TET3: variants seen among roughly 807,000 people sequenced by gnomAD.
The protein encoded by TET3 is methylcytosine dioxygenase TET3.
Under a neutral mutation model 141.4 loss-of-function variants are expected in TET3, and 19 were observed. The observed-to-expected ratio is 0.13, with a 90% CI of 0.09 to 0.20. The LOEUF is 0.20. Ranked by LOEUF, TET3 falls within the 10% of genes least tolerant of loss-of-function variation. The pLI, the probability that TET3 is intolerant of heterozygous loss-of-function variation, is 1.00. For synonymous variants in TET3, 1,043 were observed against 980.9 expected (o/e 1.06, Z -1.18); for missense variants, 1,874 against 2,356.9 (o/e 0.80, Z 4.24).
chr2:74,092,260 C>T (rs544935013), intron 8 of TET3, among the ~76,000 whole-genome samples: 16 of 152,086 alleles, frequency 1.1e-4, no homozygotes, highest in African/African-American at 3.6e-4. Flanking sequence ...AAGATAATGC[C>T]ACTGCACCCC....
intron 3 of TET3, among the ~76,000 whole-genome samples, chr2:74,014,600 T>G (rs1685635832): frequency 6.6e-6 from 1 of 152,148 alleles, no homozygotes; most frequent in Admixed American, 6.5e-5. Flanking sequence ...CAGTTTGAAT[T>G]TATTGCCTAG....
At chr2:74,025,210 C>T (rs1340123110) in intron 3 of TET3, among the ~76,000 whole-genome samples, 4 of 129,642 alleles carry the variant, frequency 3.1e-5, no homozygotes, top group East Asian at 2.2e-4. Flanking sequence ...GGTGACAAAG[C>T]GAGACTCCGC....
chr2:74,017,785 C>T (rs1381994284), intron 3 of TET3, among the ~76,000 whole-genome samples: 4 of 152,002 alleles, frequency 2.6e-5, no homozygotes, highest in Non-Finnish European at 5.9e-5. Context: ...TACGGTAGTT[C>T]TAGTTTTAGT....
intron 2 of TET3, among the ~76,000 whole-genome samples, chr2:73,996,093 A>G (rs1395197450): frequency 6.6e-6 from 1 of 152,022 alleles, no homozygotes; most frequent in African/African-American, 2.4e-5. Context: ...TCCAGCTCCA[A>G]CCTTATCTCC....
In TET3 at chr2:74,046,427, TG is replaced by T; in HGVS notation, c.515del (p.Gly172ValfsTer5). ...EPAGPSLLGT[G>X]GPWRVDQKPD... ...CCGCTGGACCCAGTCTGCTGGGGACTGGGGGTCCTTGGCGGGTAGACCAAAA... is the reference window on the plus strand; with the variant it reads ...CCGCTGGACCCAGTCTGCTGGGGACTGGGGTCCTTGGCGGGTAGACCAAAA... On this transcript the variant is annotated frameshift_variant, in exon 4 of 12. Transcript: ENST00000409262. LOFTEE classifies it high-confidence loss of function. This position sits in a 1 kb window ranked among gnomAD's most constrained non-coding sequence, Gnocchi z 4.3. 6.3e-7 allele frequency: 1 copy of T among 1,594,112 alleles called. No homozygotes were observed. Among genetic ancestry groups the T allele is most frequent in the Non-Finnish European group, 8.5e-7 (1 of 1,169,892 alleles).
rs1687619535 is a variant in TET3 at position 74,046,394 on chromosome 2, T to C, written c.477T>C (p.Ala159=). The C allele has an allele frequency of 1.3e-6, 2 of 1,565,328 alleles. No individual in the cohort carries two copies. Among genetic ancestry groups the C allele is most frequent in the African/African-American group, 1.4e-5 (1 of 73,450 alleles). ...CCTCAGGGGTGCCGGTCAATGGTGCTAGAGAGCCCGCTGGACCCAGTCTGC... is the reference window on the plus strand; with the variant it reads ...CCTCAGGGGTGCCGGTCAATGGTGCCAGAGAGCCCGCTGGACCCAGTCTGC... The part of the protein sequence containing the change: ...LSASGVPVNG[A]REPAGPSLLG... The change falls in exon 4 of 12, where the codon GCT becomes GCC. Residue 159 remains alanine, a synonymous_variant. Transcript: ENST00000409262. This position sits in a 1 kb window ranked among gnomAD's most constrained non-coding sequence, Gnocchi z 4.3.
At chr2:74,065,514 G>A (rs1156456277) in intron 4 of TET3, among the ~76,000 whole-genome samples, 1 of 149,026 alleles carries the variant, frequency 6.7e-6, no homozygotes, top group Non-Finnish European at 1.5e-5. Context: ...CTCAGACCTT[G>A]AATTAACCAT....
At chr2:74,025,917 G>A (rs1426215480) in intron 3 of TET3, among the ~76,000 whole-genome samples, 5 of 152,008 alleles carry the variant, frequency 3.3e-5, no homozygotes, top group African/African-American at 7.3e-5. Context: ...CAGCTTGGGC[G>A]ACAGAGTGAG....
intron 4 of TET3, among the ~76,000 whole-genome samples, chr2:74,049,983 C>T (rs1392339898): frequency 1.3e-5 from 2 of 152,082 alleles, no homozygotes; most frequent in Non-Finnish European, 2.9e-5. Flanking sequence ...ATGGGGGAAA[C>T]TTGTTTTGAT....
intron 2 of TET3, among the ~76,000 whole-genome samples, chr2:73,995,820 G>C (rs1245138378): frequency 6.6e-6 from 1 of 152,160 alleles, no homozygotes; most frequent in Non-Finnish European, 1.5e-5. Flanking sequence ...CAGCTCTCAG[G>C]GTTTGAGATC....
Position 74,100,873 on chromosome 2 carries a change from C to A in TET3, c.4085C>A (p.Pro1362Gln), listed in dbSNP as rs772329054. ...PTPHHQQPAYPGPKEYLLPKA... is the reference protein window; with the variant it reads ...PTPHHQQPAYQGPKEYLLPKA... ...CCTCACCACCAGCAGCCTGCGTACC[C>A]AGGCCCCAAGGAGTATCTGCTTCCC... The change falls in exon 12 of 12, where the codon CCA (proline) becomes CAA (glutamine). Residue 1362 changes from proline to glutamine, a missense_variant. Physicochemically the swap from Pro to Gln is moderately conservative, Grantham distance 76 (BLOSUM62 -1). Coordinates refer to ENST00000409262, the MANE Select transcript of TET3 (RefSeq NM_001287491.2). 6.2e-7 allele frequency: 1 copy of A among 1,611,010 alleles called. No homozygotes were observed. The highest frequency in any genetic ancestry group is 1.7e-5 in the Admixed American group (1 of 59,616).
chr2:74,071,177 C>T (rs1320882712), intron 4 of TET3, among the ~76,000 whole-genome samples: 2 of 152,140 alleles, frequency 1.3e-5, no homozygotes, highest in East Asian at 1.9e-4. Context: ...CTCTGGTATC[C>T]CTTCCTATAA....
chr2:74,061,830 G>C (rs1169367023), intron 4 of TET3, among the ~76,000 whole-genome samples: 1 of 134,600 alleles, frequency 7.4e-6, no homozygotes, highest in Non-Finnish European at 1.6e-5. Context: ...ATGGGCGGCC[G>C]GGCAGAGACG....
At chr2:74,051,189 T>A (rs1203569230) in intron 4 of TET3, among the ~76,000 whole-genome samples, 1 of 152,118 alleles carries the variant, frequency 6.6e-6, no homozygotes, top group Non-Finnish European at 1.5e-5. Flanking sequence ...AAACCTCTGT[T>A]CTCCTGCATT....
intron 6 of TET3, among the ~76,000 whole-genome samples, chr2:74,084,903 C>G (rs189777531): frequency 3.5e-4 from 53 of 152,082 alleles, no homozygotes; most frequent in African/African-American, 1.2e-3. Context: ...CCACTGCACT[C>G]CAGCCTGTGC....
At chr2:74,079,120 G>A (rs778805716) in intron 5 of TET3, among the ~76,000 whole-genome samples, 2 of 152,180 alleles carry the variant, frequency 1.3e-5, no homozygotes, top group Non-Finnish European at 2.9e-5. Context: ...AGGCCGAGGC[G>A]GGTGGATCAT....
At chr2:74,095,959 CAT>C (rs1463020138) in intron 10 of TET3, among the ~76,000 whole-genome samples, 3 of 152,232 alleles carry the variant, frequency 2.0e-5, no homozygotes, top group African/African-American at 7.2e-5. Context: ...GAGTGGGAAA[CAT>C]ATGATCTTAT....
intron 5 of TET3, among the ~76,000 whole-genome samples, chr2:74,078,332 GAT>G (rs1342118546): frequency 2.0e-5 from 3 of 152,134 alleles, no homozygotes; most frequent in African/African-American, 7.2e-5. Flanking sequence ...GATTTACAAA[GAT>G]ATTTGTATAT....
intron 4 of TET3, among the ~76,000 whole-genome samples, chr2:74,049,720 G>T (rs185780247): frequency 1.3e-5 from 2 of 152,240 alleles, no homozygotes; most frequent in Admixed American, 1.3e-4. Flanking sequence ...CGGTCAGTAG[G>T]GAGGAGCTGG....
Sources: allele counts gnomAD v4.1 joint callset (sites outside exome capture counted in the v4.1 genomes callset), GRCh38; gene constraint gnomAD v4.1.1; non-coding constraint Gnocchi (gnomAD v3.1); transcripts MANE v1.5; gene names NCBI Gene and HGNC (gene_info 2026-07-23, HGNC 2026-07-21).